Variants in ROBO1 observed in about 807,000 individuals in gnomAD.
ROBO1 encodes roundabout homolog 1.
Under a neutral mutation model 195.9 loss-of-function variants are expected in ROBO1, and 149 were observed. The ratio of observed to expected loss-of-function variants is 0.76; its 90% CI spans 0.67 to 0.87. ROBO1 has a LOEUF of 0.87. Ranked by LOEUF, ROBO1 falls within the 40% of genes least tolerant of loss-of-function variation. The pLI, the probability that ROBO1 is intolerant of heterozygous loss-of-function variation, is 0.00. For missense variants in ROBO1, 1,933 were observed against 2,068.3 expected (o/e 0.93, Z 1.27); for synonymous variants, 816 against 733.2 (o/e 1.11, Z -1.82).
intron 4 of ROBO1, among the ~76,000 whole-genome samples, chr3:78,780,413 G>A (rs1294859338): frequency 6.6e-6 from 1 of 151,844 alleles, no homozygotes; most frequent in Admixed American, 6.6e-5. Flanking sequence ...GTTAGAGCAA[G>A]GTACAAGTTT....
At chr3:78,742,481 G>A (rs975390036) in intron 5 of ROBO1, among the ~76,000 whole-genome samples, 2 of 151,972 alleles carry the variant, frequency 1.3e-5, no homozygotes, top group African/African-American at 4.8e-5. Flanking sequence ...CCTAAAGGAA[G>A]AAAATAAAAC....
At chr3:78,623,715 A>C (rs2107452145) in intron 26 of ROBO1, among the ~76,000 whole-genome samples, 1 of 152,300 alleles carries the variant, frequency 6.6e-6, no homozygotes, top group South Asian at 2.1e-4. Context: ...GGTGAGAGAA[A>C]ACGGCTGTCG....
intron 25 of ROBO1, 72 bp downstream of exon 25, chr3:78,631,089 T>C: frequency 2.7e-6 from 4 of 1,479,648 alleles, no homozygotes; most frequent in Non-Finnish European, 9.2e-7. Context: ...GACCACCTAG[T>C]ATAATAATTG....
intron 2 of ROBO1, among the ~76,000 whole-genome samples, chr3:79,376,226 T>C (rs1039265644): frequency 6.6e-6 from 1 of 152,200 alleles, no homozygotes; most frequent in African/African-American, 2.4e-5. Context: ...AACCTCTTCA[T>C]ACTTTATGAC....
intron 3 of ROBO1, among the ~76,000 whole-genome samples, chr3:79,068,172 TG>T (rs1240565611): frequency 3.9e-5 from 6 of 151,908 alleles, no homozygotes; most frequent in African/African-American, 1.4e-4. Context: ...CGCCACCATA[TG>T]GGGATCTTTG....
chr3:78,688,148 G>A (rs1047739395), intron 9 of ROBO1, among the ~76,000 whole-genome samples: 1 of 152,062 alleles, frequency 6.6e-6, no homozygotes, highest in African/African-American at 2.4e-5. Context: ...GCATATGATA[G>A]TTTTCAACAC....
At chr3:79,002,036 C>T (rs1033103320) in intron 3 of ROBO1, among the ~76,000 whole-genome samples, 1 of 152,040 alleles carries the variant, frequency 6.6e-6, no homozygotes, top group African/African-American at 2.4e-5. Flanking sequence ...TATTTGGATA[C>T]TTTAGTTCTG....
intron 2 of ROBO1, among the ~76,000 whole-genome samples, chr3:79,228,766 T>C (rs1456320567): frequency 1.3e-5 from 2 of 152,158 alleles, no homozygotes; most frequent in Non-Finnish European, 2.9e-5. Flanking sequence ...TAAAACCATA[T>C]ATCCTTTCAA....
chr3:78,617,509 A>AAC, intron 27 of ROBO1, 126 bp downstream of exon 27: 6 of 983,194 alleles, frequency 6.1e-6, no homozygotes, highest in Non-Finnish European at 8.3e-6. Context: ...AGGCAGCTAA[A>AAC]AAAAAAAAAA....
chr3:79,560,924 C>T (rs1467442116), intron 2 of ROBO1, among the ~76,000 whole-genome samples: 1 of 152,028 alleles, frequency 6.6e-6, no homozygotes, highest in Non-Finnish European at 1.5e-5. Context: ...TTGCTTTGTG[C>T]CCCCAACTGC....
intron 1 of ROBO1, among the ~76,000 whole-genome samples, chr3:79,668,440 G>A (rs1414686437): frequency 3.4e-5 from 5 of 149,238 alleles, no homozygotes; most frequent in Non-Finnish European, 7.4e-5. Context: ...AAAAAACAGT[G>A]AAAGAATAAA....
intron 1 of ROBO1, among the ~76,000 whole-genome samples, chr3:79,605,999 T>G (rs1944470024): frequency 6.7e-6 from 1 of 150,332 alleles, no homozygotes; most frequent in African/African-American, 2.5e-5. Context: ...TGTGTATATA[T>G]ATATATATAT....
chr3:79,275,020 AC>A (rs1362112515), intron 2 of ROBO1, among the ~76,000 whole-genome samples: 2 of 152,020 alleles, frequency 1.3e-5, no homozygotes, highest in Admixed American at 1.3e-4. Flanking sequence ...AATGCTCAGG[AC>A]CCAGTAGATA....
intron 2 of ROBO1, among the ~76,000 whole-genome samples, chr3:79,424,335 C>T (rs2038351876): frequency 1.3e-5 from 2 of 152,212 alleles, no homozygotes. Flanking sequence ...GAGACTGTTT[C>T]ACACTGAATA....
chr3:79,586,896 G>T (rs1403723511), intron 2 of ROBO1, among the ~76,000 whole-genome samples: 1 of 151,704 alleles, frequency 6.6e-6, no homozygotes, highest in African/African-American at 2.4e-5. Context: ...CATGGTTTAA[G>T]AATATATTTC....
At chr3:79,615,229 T>C (rs1375932905) in intron 1 of ROBO1, among the ~76,000 whole-genome samples, 1 of 152,158 alleles carries the variant, frequency 6.6e-6, no homozygotes, top group Non-Finnish European at 1.5e-5. Context: ...TCTCCATAAC[T>C]CCTTATCTTA....
intron 4 of ROBO1, among the ~76,000 whole-genome samples, chr3:78,763,405 T>C (rs527737956): frequency 6.6e-6 from 1 of 152,334 alleles, no homozygotes; most frequent in Admixed American, 6.5e-5. Flanking sequence ...ACTTGTTTAA[T>C]GTATGTGGTA....
intron 2 of ROBO1, among the ~76,000 whole-genome samples, chr3:79,425,704 C>T (rs1226061346): frequency 2.0e-5 from 3 of 151,562 alleles, no homozygotes; most frequent in Non-Finnish European, 4.4e-5. Flanking sequence ...GGAACACACA[C>T]ACACATACAC....
Position 79,325,955 on chromosome 3 carries a change from G to T in ROBO1, c.89-200416C>A, listed in dbSNP as rs141388519. Among the ~76,000 whole-genome samples the T allele has an allele frequency of 1.1e-3, 174 of 152,208 alleles. 1 individual carries two copies. The East Asian group carries it at 0.022, about 20-fold the overall frequency. ...TTTTTCTCAGCAAGGAACATCCCTGGGAAAGAGAATATGCGCCTGGGGGTG... is the reference window on the plus strand; with the variant it reads ...TTTTTCTCAGCAAGGAACATCCCTGTGAAAGAGAATATGCGCCTGGGGGTG... On this transcript the variant is annotated intron_variant, in intron 2 of 30. Transcript: ENST00000464233.
Sources: allele counts gnomAD v4.1 joint callset (sites outside exome capture counted in the v4.1 genomes callset), GRCh38; gene constraint gnomAD v4.1.1; transcripts MANE v1.5; gene names NCBI Gene and HGNC (gene_info 2026-07-23, HGNC 2026-07-21).